The following CTNND2 variants were observed in gnomAD, a reference collection of about 807,000 sequenced individuals.
CTNND2 encodes the protein catenin delta-2.
In CTNND2, 22 loss-of-function variants were observed where a neutral mutation model predicts 144.4. That is an observed-to-expected ratio of 0.15 (90% confidence interval 0.11 to 0.22). The LOEUF (loss-of-function observed/expected upper bound fraction) is 0.22. CTNND2 is among the 10% of genes least tolerant of loss of function. The pLI is 1.00. For synonymous variants in CTNND2, 751 were observed against 695.6 expected (o/e 1.08, Z -1.25); for missense variants, 1,353 against 1,618.8 (o/e 0.84, Z 2.82).
chr5:11,247,124 C>T (rs556324029), intron 9 of CTNND2, among the ~76,000 whole-genome samples: 179 of 152,270 alleles, frequency 1.2e-3, no homozygotes, highest in African/African-American at 3.3e-3. Flanking sequence ...GTATCAATTA[C>T]ACCTGGATGA....
chr5:11,643,872 G>A (rs894435968), intron 2 of CTNND2, among the ~76,000 whole-genome samples: 5 of 151,814 alleles, frequency 3.3e-5, no homozygotes, highest in East Asian at 3.9e-4. Context: ...GAAGTAAAAC[G>A]AAAGAATTTC....
At position 11,731,885 on chromosome 5, in the gene CTNND2, C is replaced by T. The variant is rs76621771; in HGVS notation, c.174+251G>A. On this transcript the variant is annotated intron_variant, in intron 2 of 21. Transcript: ENST00000304623. ...TCCATCAATTAATCTGCCAAAACTTCACCCATAGGAAATTTTGATTATAAA... is the reference window on the plus strand; with the variant it reads ...TCCATCAATTAATCTGCCAAAACTTTACCCATAGGAAATTTTGATTATAAA... Among the ~76,000 whole-genome samples the T allele has an allele frequency of 5.8e-3, 882 of 152,250 alleles. 10 individuals are homozygous for T. Among genetic ancestry groups the T allele is most frequent in the African/African-American group, 0.02 (842 of 41,542 alleles).
chr5:11,404,063 G>A (rs1760867032), intron 5 of CTNND2, among the ~76,000 whole-genome samples: 1 of 152,164 alleles, frequency 6.6e-6, no homozygotes, highest in Non-Finnish European at 1.5e-5. Flanking sequence ...TATGATGCTA[G>A]TCACTCAAAA....
chr5:11,464,375 G>C (rs1442079340), intron 3 of CTNND2, among the ~76,000 whole-genome samples: 1 of 152,156 alleles, frequency 6.6e-6, no homozygotes, highest in Non-Finnish European at 1.5e-5. Flanking sequence ...ACTGGGAGGA[G>C]AGAGTCCTGG....
intron 7 of CTNND2, among the ~76,000 whole-genome samples, chr5:11,376,708 G>C (rs1317010110): frequency 6.6e-6 from 1 of 152,184 alleles, no homozygotes; most frequent in African/African-American, 2.4e-5. Flanking sequence ...GTTTCTTCAA[G>C]AGAACACCTC....
chr5:11,445,197 A>T (rs1764693074), intron 3 of CTNND2, among the ~76,000 whole-genome samples: 1 of 151,878 alleles, frequency 6.6e-6, no homozygotes. Flanking sequence ...AATCCTCAGC[A>T]CTCTGGCTTA....
At chr5:11,505,794 C>G (rs767015757) in intron 3 of CTNND2, among the ~76,000 whole-genome samples, 1 of 152,062 alleles carries the variant, frequency 6.6e-6, no homozygotes, top group Non-Finnish European at 1.5e-5. Context: ...TGAATTATCC[C>G]CCAAATTACA....
chr5:11,701,120 A>G (rs980465198), intron 2 of CTNND2, among the ~76,000 whole-genome samples: 6 of 152,204 alleles, frequency 3.9e-5, no homozygotes, highest in Non-Finnish European at 8.8e-5. Context: ...AATATTCTGA[A>G]AGGAGGCTTT....
chr5:11,193,851 C>T (rs1179583627), intron 11 of CTNND2, among the ~76,000 whole-genome samples: 1 of 152,188 alleles, frequency 6.6e-6, no homozygotes, highest in South Asian at 2.1e-4. Flanking sequence ...TAATGCTATA[C>T]CTGAACTTCT....
At chr5:11,123,464 T>C (rs1017137260) in intron 12 of CTNND2, among the ~76,000 whole-genome samples, 2 of 152,214 alleles carry the variant, frequency 1.3e-5, no homozygotes, top group African/African-American at 4.8e-5. Flanking sequence ...GGGCTGCTGC[T>C]AACCATCCCA....
At chr5:11,323,229 A>AC (rs1333370586) in intron 9 of CTNND2, among the ~76,000 whole-genome samples, 2 of 50,132 alleles carry the variant, frequency 4.0e-5, no homozygotes, top group Admixed American at 2.5e-4. Context: ...ACATTTAGAG[A>AC]TTGGGGGGGG....
At chr5:10,992,823 G>T in intron 18 of CTNND2, 146 bp from the exon 19 acceptor site, 1 of 1,082,894 alleles carries the variant, frequency 9.2e-7, no homozygotes, top group African/African-American at 1.6e-5. Context: ...CTCTCATGGA[G>T]GTGAACAGAG....
intron 9 of CTNND2, among the ~76,000 whole-genome samples, chr5:11,322,905 T>C (rs559041729): frequency 6.6e-6 from 1 of 152,218 alleles, no homozygotes; most frequent in African/African-American, 2.4e-5. Flanking sequence ...AAGAAACAGA[T>C]GTAAATTTAG....
chr5:10,973,233 A>AT lies in CTNND2; in HGVS notation c.*219dup. 1 of 512,592 alleles carries AT rather than the reference A, an allele frequency of 2.0e-6. No individual in the cohort carries two copies. The highest frequency in any genetic ancestry group is 3.3e-6 in the Non-Finnish European group (1 of 300,656). The allele number at this position is 512,592 out of a possible 1,614,324, so 31.8% of individuals were successfully genotyped here. A position where few individuals can be genotyped will look rare whatever the true frequency, so the allele number is the denominator to read the frequency against. The stretch of plus-strand genomic sequence containing the variant: ...CGCTAGAAAGGTGCTGCCCACTGTC[A>AT]TATTTAGGATCACTTTAGCTTTCTA... On this transcript the variant is annotated 3_prime_UTR_variant, in exon 22 of 22. Transcript: ENST00000304623. The surrounding 1 kb of genome is among the most constrained non-coding windows in gnomAD (Gnocchi z 5.6).
chr5:11,146,645 A>G (rs1009068038), intron 12 of CTNND2, among the ~76,000 whole-genome samples: 3 of 152,246 alleles, frequency 2.0e-5, no homozygotes, highest in Non-Finnish European at 4.4e-5. Flanking sequence ...GCTGATAAGC[A>G]CAGTCTAATG....
At chr5:11,442,562 A>G (rs1208094960) in intron 3 of CTNND2, among the ~76,000 whole-genome samples, 2 of 152,014 alleles carry the variant, frequency 1.3e-5, no homozygotes, top group Non-Finnish European at 2.9e-5. Flanking sequence ...CTGAGTACTG[A>G]AAAAGTAGTT....
intron 21 of CTNND2, among the ~76,000 whole-genome samples, chr5:10,975,359 T>G (rs1736322693): frequency 1.3e-5 from 2 of 152,192 alleles, no homozygotes; most frequent in African/African-American, 4.8e-5. Flanking sequence ...ATTTAGCAAA[T>G]TCTTTAATAC....
intron 9 of CTNND2, among the ~76,000 whole-genome samples, chr5:11,309,839 T>C: frequency 6.6e-6 from 1 of 152,142 alleles, no homozygotes; most frequent in African/African-American, 2.4e-5. Context: ...GGGGGCAGAT[T>C]TCCCCCCTGC....
At chr5:11,316,746 G>GT (rs1331010243) in intron 9 of CTNND2, among the ~76,000 whole-genome samples, 5 of 151,028 alleles carry the variant, frequency 3.3e-5, no homozygotes, top group African/African-American at 7.3e-5. Flanking sequence ...GCAGTGTTTG[G>GT]TTTTTTGTCC....
Sources: allele counts gnomAD v4.1 joint callset (sites outside exome capture counted in the v4.1 genomes callset), GRCh38; gene constraint gnomAD v4.1.1; non-coding constraint Gnocchi (gnomAD v3.1); transcripts MANE v1.5; gene names NCBI Gene and HGNC (gene_info 2026-07-23, HGNC 2026-07-21).